The following CCDC15 variants were observed in gnomAD, a reference collection of about 807,000 sequenced individuals.
CCDC15 encodes coiled-coil domain containing 15, also known as coiled-coil domain-containing protein 15.
Under a neutral mutation model 114.5 loss-of-function variants are expected in CCDC15, and 105 were observed. The ratio of observed to expected loss-of-function variants is 0.92; its 90% CI spans 0.78 to 1.08. CCDC15 has a LOEUF of 1.08. Among genes scored for constraint, CCDC15 ranks in the 50% least tolerant of loss-of-function variants. CCDC15 has a pLI of 0.00. For missense variants in CCDC15, 1,105 were observed against 1,093.6 expected (o/e 1.01, Z -0.15); for synonymous variants, 334 against 377.8 (o/e 0.88, Z 1.34).
intron 13 of CCDC15, among the ~76,000 whole-genome samples, chr11:125,021,755 C>T (rs952097661): frequency 6.6e-6 from 1 of 151,814 alleles, no homozygotes. Flanking sequence ...CATTCTGTTA[C>T]CAAGACCTAT....
intron 11 of CCDC15, among the ~76,000 whole-genome samples, chr11:124,997,637 A>G (rs1284633175): frequency 6.6e-6 from 1 of 152,114 alleles, no homozygotes; most frequent in Admixed American, 6.6e-5. Flanking sequence ...ATTGGTGGAA[A>G]TGTCTACATT....
chr11:125,000,415 A>G (rs1371605671), intron 11 of CCDC15, among the ~76,000 whole-genome samples: 1 of 152,128 alleles, frequency 6.6e-6, no homozygotes, highest in African/African-American at 2.4e-5. Context: ...CACACACAGA[A>G]TTAAGGGGTC....
intron 6 of CCDC15, among the ~76,000 whole-genome samples, chr11:124,980,582 G>A (rs1178124947): frequency 6.6e-6 from 1 of 152,054 alleles, no homozygotes; most frequent in Non-Finnish European, 1.5e-5. Context: ...TAGTCTCCAA[G>A]GGTTTTTTTG....
At chr11:124,968,728 C>T (rs1385309607) in intron 4 of CCDC15, among the ~76,000 whole-genome samples, 1 of 152,154 alleles carries the variant, frequency 6.6e-6, no homozygotes, top group African/African-American at 2.4e-5. Flanking sequence ...ATCTACCTGT[C>T]TTCTGCGTCG....
At chr11:125,039,776 T>C (rs1254901070) in intron 15 of CCDC15, among the ~76,000 whole-genome samples, 1 of 152,044 alleles carries the variant, frequency 6.6e-6, no homozygotes. Context: ...CAGTATAAGA[T>C]GCATGGCATG....
intron 4 of CCDC15, among the ~76,000 whole-genome samples, chr11:124,961,600 A>ACCT (rs951549927): frequency 4.6e-5 from 7 of 152,068 alleles, no homozygotes; most frequent in African/African-American, 1.7e-4. Context: ...GCTCACTGCA[A>ACCT]CCTCCTCCTC....
At chr11:124,969,391 G>A (rs1340217275) in intron 4 of CCDC15, among the ~76,000 whole-genome samples, 1 of 152,120 alleles carries the variant, frequency 6.6e-6, no homozygotes, top group African/African-American at 2.4e-5. Context: ...TAGGGATTCA[G>A]TTTCTGTGAT....
chr11:125,012,195 G>T (rs1482185495), intron 13 of CCDC15, among the ~76,000 whole-genome samples: 1 of 152,166 alleles, frequency 6.6e-6, no homozygotes, highest in African/African-American at 2.4e-5. Flanking sequence ...GCAGAGTATA[G>T]ATGGGCAGTC....
chr11:124,986,836 A>C lies in CCDC15; in HGVS notation c.848A>C (p.Asp283Ala). The C allele has an allele frequency of 6.4e-7, 1 of 1,560,698 alleles. No homozygotes were observed. Among genetic ancestry groups the C allele is most frequent in the Non-Finnish European group, 8.7e-7 (1 of 1,151,378 alleles). The change falls in exon 7 of 16, where the codon GAC becomes GCC. Residue 283 changes from aspartate (D) to alanine (A), a missense_variant. Transcript: ENST00000344762. ...GATTTGTTTGGGAGAGGCCAGCAGGACCAGCAGGCTATCCATTCTGAAGAT... is the reference window on the plus strand; with the variant it reads ...GATTTGTTTGGGAGAGGCCAGCAGGCCCAGCAGGCTATCCATTCTGAAGAT... ...KEDLFGRGQQ[D>A]QQAIHSEDKN... is the part of the protein sequence containing the mutation.
At chr11:125,001,187 G>A (rs746373512) in intron 11 of CCDC15, among the ~76,000 whole-genome samples, 12 of 152,286 alleles carry the variant, frequency 7.9e-5, no homozygotes, top group Non-Finnish European at 1.2e-4. Flanking sequence ...ACTGCAAAAA[G>A]AACACTTGTT....
At chr11:124,997,229 G>C (rs1401107344) in intron 11 of CCDC15, among the ~76,000 whole-genome samples, 2 of 152,168 alleles carry the variant, frequency 1.3e-5, no homozygotes, top group Non-Finnish European at 2.9e-5. Context: ...CTAAAAAAAT[G>C]GGTAATGGAT....
At chr11:124,969,946 T>C (rs1947852019) in intron 4 of CCDC15, among the ~76,000 whole-genome samples, 1 of 152,196 alleles carries the variant, frequency 6.6e-6, no homozygotes, top group South Asian at 2.1e-4. Flanking sequence ...AGTAGCTTGA[T>C]TGATTCAGTT....
chr11:124,957,881 TATG>T (rs1165579396), intron 2 of CCDC15, among the ~76,000 whole-genome samples: 1 of 152,204 alleles, frequency 6.6e-6, no homozygotes, highest in African/African-American at 2.4e-5. Flanking sequence ...AGGTACGAGA[TATG>T]ATGATGATTT....
chr11:124,981,596 G>T (rs1260089048), intron 6 of CCDC15, among the ~76,000 whole-genome samples: 1 of 151,778 alleles, frequency 6.6e-6, no homozygotes, highest in Non-Finnish European at 1.5e-5. Context: ...ATTGTCAGGG[G>T]GCCGTTGAAA....
In CCDC15 at chr11:125,038,472, A is replaced by G. The variant is rs1411734971; in HGVS notation, c.2453A>G (p.Gln818Arg). The G allele has an allele frequency of 2.5e-6, 4 of 1,579,478 alleles. No individual in the cohort carries two copies. Among genetic ancestry groups the G allele is most frequent in the South Asian group, 2.4e-5 (2 of 85,050 alleles). Residue 818 changes from glutamine to arginine, a missense_variant, in exon 14 of 16, where the codon CAG becomes CGG. Gln to Arg is a conservative substitution (Grantham distance 43, BLOSUM62 1). Coordinates refer to ENST00000344762, the MANE Select transcript of CCDC15 (RefSeq NM_025004.3). The stretch of plus-strand genomic sequence containing the variant: ...GAGCAAGAATGTTATGCTGCAGAGC[A>G]GAGGATCCTAAGAATGAACTTTCAT... The part of the protein sequence containing the change: ...KREQECYAAE[Q>R]RILRMNFHED...
intron 13 of CCDC15, among the ~76,000 whole-genome samples, chr11:125,021,487 T>C (rs576830340): frequency 6.6e-6 from 1 of 151,986 alleles, no homozygotes; most frequent in African/African-American, 2.4e-5. Flanking sequence ...CTATAATATC[T>C]AAGGGTTTTT....
At chr11:125,032,266 A>G (rs1207136307) in intron 13 of CCDC15, among the ~76,000 whole-genome samples, 1 of 152,262 alleles carries the variant, frequency 6.6e-6, no homozygotes, top group Non-Finnish European at 1.5e-5. Flanking sequence ...GTAGGACAGT[A>G]AAGGTATATT....
At chr11:125,033,945 G>A (rs1348884917) in intron 13 of CCDC15, among the ~76,000 whole-genome samples, 2 of 152,062 alleles carry the variant, frequency 1.3e-5, no homozygotes, top group African/African-American at 4.8e-5. Flanking sequence ...AGTTCTTTTT[G>A]AGTGTAGCAC....
chr11:124,958,045 C>T (rs1947580046), intron 2 of CCDC15, among the ~76,000 whole-genome samples: 2 of 152,196 alleles, frequency 1.3e-5, no homozygotes, highest in African/African-American at 4.8e-5. Context: ...CCAGCTTCCT[C>T]ATCTGTAACA....
Sources: gnomAD v4.1 joint callset for allele counts (sites outside exome capture counted in the v4.1 genomes callset) on GRCh38, gnomAD v4.1.1 for gene constraint, MANE v1.5 for transcripts, NCBI Gene and HGNC (gene_info 2026-07-23, HGNC 2026-07-21) for gene names.